The following DNAJC11 variants were observed in gnomAD, a reference collection of about 807,000 sequenced individuals.
DNAJC11 encodes the protein dnaJ homolog subfamily C member 11.
Under a neutral mutation model 78.6 loss-of-function variants are expected in DNAJC11, and 15 were observed. The observed-to-expected ratio is 0.19, with a 90% CI of 0.13 to 0.29. The LOEUF is 0.29. Ranked by LOEUF, DNAJC11 falls within the 10% of genes least tolerant of loss-of-function variation. The probability of loss-of-function intolerance (pLI) is 1.00; values close to 1 mark genes in which losing one functional copy is unlikely to be tolerated. For missense variants in DNAJC11, 547 were observed against 709.6 expected (o/e 0.77, Z 2.60); for synonymous variants, 292 against 272.1 (o/e 1.07, Z -0.72).
Position 6,634,508 on chromosome 1 carries a change from C to G in DNAJC11, c.*1167G>C. ...GGCTGGAGGCCGGCGCAGCTTGGGG[C>G]CCCCCGCGCCAGCTGTCTCAGCCAC... On this transcript the variant is annotated 3_prime_UTR_variant, in exon 16 of 16. Coordinates refer to ENST00000377577, the MANE Select transcript of DNAJC11 (RefSeq NM_018198.4). The G allele has an allele frequency of 7.4e-7, 1 of 1,348,984 alleles. No individual in the cohort carries two copies. Among genetic ancestry groups the G allele is most frequent in the Non-Finnish European group, 9.9e-7 (1 of 1,013,652 alleles). The allele number at this position is 1,348,984 out of a possible 1,614,324, so 83.6% of individuals were successfully genotyped here.
Position 6,645,989 on chromosome 1 carries a change from A to G in DNAJC11, c.705-11T>C. The G allele has an allele frequency of 6.2e-7, 1 of 1,613,776 alleles. No homozygotes were observed. Among genetic ancestry groups the G allele is most frequent in the Non-Finnish European group, 8.5e-7 (1 of 1,179,750 alleles). On this transcript the variant is annotated splice_polypyrimidine_tract_variant and intron_variant, in intron 7 of 15. Transcript: ENST00000377577. The surrounding 1 kb of genome is among the most constrained non-coding windows in gnomAD (Gnocchi z 4.1). ...TTTGTTGTCACAAAGCTGGAGAGACACAGAGACAGAATAGGTCCTGGATAG... is the reference window on the plus strand; with the variant it reads ...TTTGTTGTCACAAAGCTGGAGAGACGCAGAGACAGAATAGGTCCTGGATAG...
At chr1:6,668,010 T>A (rs1485587234) in intron 3 of DNAJC11, 200 bp from the exon 4 acceptor site, 1 of 562,880 alleles carries the variant, frequency 1.8e-6, no homozygotes, top group Non-Finnish European at 3.2e-6. Context: ...ACTGCCCTCC[T>A]GGCCCTTCCC....
chr1:6,662,885 G>A (rs1187997521), intron 4 of DNAJC11, among the ~76,000 whole-genome samples: 1 of 152,038 alleles, frequency 6.6e-6, no homozygotes, highest in Admixed American at 6.6e-5. Flanking sequence ...TTGTTATTTT[G>A]CTCTCCACAA....
In DNAJC11 at chr1:6,680,887, A is replaced by C. The variant is rs371462209; in HGVS notation, c.202+21T>G. ...ATATCTGTTACCAGGATGTTTCTAC[A>C]AAGTCCGGCCCTCCACTGACCTTCA... On this transcript the variant is annotated intron_variant, in intron 2 of 15. Coordinates refer to ENST00000377577, the MANE Select transcript of DNAJC11 (RefSeq NM_018198.4). This position sits in a 1 kb window ranked among gnomAD's most constrained non-coding sequence, Gnocchi z 4.0. 1.9e-6 allele frequency: 3 copies of C among 1,605,238 alleles called. No individual in the cohort carries two copies. Among genetic ancestry groups the C allele is most frequent in the African/African-American group, 1.3e-5 (1 of 74,558 alleles).
intron 4 of DNAJC11, among the ~76,000 whole-genome samples, chr1:6,660,643 C>A (rs1242914925): frequency 6.6e-6 from 1 of 152,208 alleles, no homozygotes; most frequent in Non-Finnish European, 1.5e-5. Context: ...TTTTACCCAC[C>A]TCCAACCCAC....
At chr1:6,693,412 GCT>G (rs1388004046) in intron 1 of DNAJC11, among the ~76,000 whole-genome samples, 1 of 152,036 alleles carries the variant, frequency 6.6e-6, no homozygotes, top group African/African-American at 2.4e-5. Context: ...ATGGATTCTT[GCT>G]CTGTCGCTCA....
chr1:6,685,094 G>A (rs925321038), intron 1 of DNAJC11, among the ~76,000 whole-genome samples: 2 of 152,166 alleles, frequency 1.3e-5, no homozygotes, highest in African/African-American at 2.4e-5. Context: ...GCAACATAGC[G>A]AGATCCTGAC....
rs921620216 is a variant in DNAJC11, at chr1:6,635,526, T to C, written c.*149A>G. The C allele has an allele frequency of 5.8e-6, 5 of 866,404 alleles. No individual in the cohort carries two copies. Among genetic ancestry groups the C allele is most frequent in the Middle Eastern group, 3.1e-4 (1 of 3,240 alleles). The allele number at this position is 866,404 out of a possible 1,614,324, so 53.7% of individuals were successfully genotyped here. A position where few individuals can be genotyped will look rare whatever the true frequency, so the allele number is the denominator to read the frequency against. On this transcript the variant is annotated 3_prime_UTR_variant, in exon 16 of 16. Coordinates refer to ENST00000377577, the MANE Select transcript of DNAJC11 (RefSeq NM_018198.4). ...ACCCTCAAAAGCTGGGGTGTCTGCATGTCCCTTCACATAATTGATAATGGT... is the reference window on the plus strand; with the variant it reads ...ACCCTCAAAAGCTGGGGTGTCTGCACGTCCCTTCACATAATTGATAATGGT...
chr1:6,699,660 G>A (rs546066848), intron 1 of DNAJC11, among the ~76,000 whole-genome samples: 7 of 152,122 alleles, frequency 4.6e-5, no homozygotes, highest in Admixed American at 4.6e-4. Context: ...CCTAGATGAT[G>A]GGTTGATGGG....
At chr1:6,672,311 A>C (rs1642393179) in intron 3 of DNAJC11, among the ~76,000 whole-genome samples, 1 of 152,216 alleles carries the variant, frequency 6.6e-6, no homozygotes, top group Non-Finnish European at 1.5e-5. Context: ...CTGAGAATTA[A>C]AATCCTGGAC....
intron 1 of DNAJC11, among the ~76,000 whole-genome samples, chr1:6,697,739 G>A (rs1485040110): frequency 6.6e-6 from 1 of 152,170 alleles, no homozygotes; most frequent in Non-Finnish European, 1.5e-5. Flanking sequence ...AAATCCTGGA[G>A]AGGGAGATTC....
intron 1 of DNAJC11, among the ~76,000 whole-genome samples, chr1:6,692,849 G>T (rs1033854617): frequency 6.6e-6 from 1 of 152,080 alleles, no homozygotes; most frequent in African/African-American, 2.4e-5. Context: ...GACTTCAGGT[G>T]ATCTGCCCGC....
At position 6,645,460 on chromosome 1, in the gene DNAJC11, A is replaced by T. The variant is rs1202413508; in HGVS notation, c.894+329T>A. Among the ~76,000 whole-genome samples, 1 of 152,240 alleles carries T rather than the reference A, an allele frequency of 6.6e-6. No homozygotes were observed. Among genetic ancestry groups the T allele is most frequent in the Non-Finnish European group, 1.5e-5 (1 of 68,042 alleles). On this transcript the variant is annotated intron_variant, in intron 8 of 15. Transcript: ENST00000377577. This position sits in a 1 kb window ranked among gnomAD's most constrained non-coding sequence, Gnocchi z 4.1. ...CTCATGTACCAGCCCTGGTGTGGCC[A>T]CAGGGGCGTCCGAGGGCATGATTCT...
chr1:6,677,381 C>T (rs1642482197), intron 3 of DNAJC11, among the ~76,000 whole-genome samples: 1 of 152,088 alleles, frequency 6.6e-6, no homozygotes, highest in African/African-American at 2.4e-5. Flanking sequence ...CAGCCTCAAC[C>T]TCCTGTGCTC....
In DNAJC11 at chr1:6,634,504, G is replaced by C. The variant is rs762339154; in HGVS notation, c.*1171C>G. The C allele has an allele frequency of 2.2e-6, 3 of 1,349,100 alleles. No individual in the cohort carries two copies. The highest frequency in any genetic ancestry group is 3.0e-6 in the Non-Finnish European group (3 of 1,013,796). 83.6% of individuals were successfully genotyped at this position (1,349,100 alleles called of 1,614,324 possible). A position where few individuals can be genotyped will look rare whatever the true frequency, so the allele number is the denominator to read the frequency against. The stretch of plus-strand genomic sequence containing the variant: ...GGTGGGCTGGAGGCCGGCGCAGCTT[G>C]GGGCCCCCCGCGCCAGCTGTCTCAG... On this transcript the variant is annotated 3_prime_UTR_variant, in exon 16 of 16. Coordinates refer to ENST00000377577, the MANE Select transcript of DNAJC11 (RefSeq NM_018198.4).
intron 10 of DNAJC11, among the ~76,000 whole-genome samples, chr1:6,643,654 G>A (rs1417391156): frequency 6.6e-6 from 1 of 152,114 alleles, no homozygotes; most frequent in Non-Finnish European, 1.5e-5. Context: ...TGTGCCAATG[G>A]AAACCCCTGG....
At chr1:6,662,633 C>T (rs893833955) in intron 4 of DNAJC11, among the ~76,000 whole-genome samples, 1 of 152,056 alleles carries the variant, frequency 6.6e-6, no homozygotes, top group African/African-American at 2.4e-5. Flanking sequence ...CCAATCAGTG[C>T]TCTGTGGCTA....
At position 6,636,215 on chromosome 1, in the gene DNAJC11, A is replaced by G; in HGVS notation, c.1556T>C (p.Val519Ala). The change falls in exon 15 of 16, where the codon GTG (valine) becomes GCG (alanine). Residue 519 changes from valine (V) to alanine (A), a missense_variant. Transcript: ENST00000377577. ...AGLPGFYDPC[V>A]GEEKNLKVLY... Reference sequence around the variant, plus strand: ...CACTTTCAGGTTCTTCTCTTCCCCCACACACGGGTCATAAAAGCCAGGCAG... The same window carrying G: ...CACTTTCAGGTTCTTCTCTTCCCCCGCACACGGGTCATAAAAGCCAGGCAG... 1 of 1,614,068 alleles carries G rather than the reference A, an allele frequency of 6.2e-7. No individual in the cohort carries two copies. The highest frequency in any genetic ancestry group is 8.5e-7 in the Non-Finnish European group (1 of 1,180,022).
intron 4 of DNAJC11, among the ~76,000 whole-genome samples, chr1:6,655,561 AC>A (rs1440812569): frequency 5.3e-5 from 8 of 152,058 alleles, no homozygotes; most frequent in Non-Finnish European, 4.4e-5. Context: ...GGTGGCTAAT[AC>A]CCGTAATCCC....
Sources: allele counts gnomAD v4.1 joint callset (sites outside exome capture counted in the v4.1 genomes callset), GRCh38; gene constraint gnomAD v4.1.1; non-coding constraint Gnocchi (gnomAD v3.1); transcripts MANE v1.5; gene names NCBI Gene and HGNC (gene_info 2026-07-23, HGNC 2026-07-21).